RYR3: variants seen among roughly 807,000 people sequenced by gnomAD.
The protein encoded by RYR3 is ryanodine receptor 3.
A neutral mutation model predicts 584.3 loss-of-function variants in RYR3; 207 were observed. The ratio of observed to expected loss-of-function variants is 0.35; its 90% CI spans 0.32 to 0.40. The LOEUF (loss-of-function observed/expected upper bound fraction) is 0.40, where lower values mean the gene tolerates loss of function less well. Ranked by LOEUF, RYR3 falls within the 10% of genes least tolerant of loss-of-function variation. The pLI is 1.00. For synonymous variants in RYR3, 2,416 were observed against 2,248.5 expected (o/e 1.07, Z -2.11); for missense variants, 5,616 against 6,089.2 (o/e 0.92, Z 2.59).
In RYR3 at chr15:33,816,920, G is replaced by T; in HGVS notation, c.10561G>T (p.Glu3521Ter). ...TCAGAGATTTTGGATAGAAACAGAG[G>T]AGTATTCCTTTGAAGAGAAACTAGT... is the stretch of plus-strand genomic sequence containing the variant. ...GYQRFWIETE[E>*]YSFEEKLVQD... The change falls in exon 75 of 104, where the codon GAG (glutamate) becomes TAG (stop). Residue 3521 changes from glutamate (E) to a stop codon, truncating the protein, a stop_gained. Transcript: ENST00000634891. LOFTEE classifies it high-confidence loss of function. 6.2e-7 allele frequency: 1 copy of T among 1,612,062 alleles called. No homozygotes were observed. Among genetic ancestry groups the T allele is most frequent in the South Asian group, 1.1e-5 (1 of 90,452 alleles).
intron 2 of RYR3, among the ~76,000 whole-genome samples, chr15:33,478,694 A>G (rs1025269118): frequency 1.3e-5 from 2 of 152,228 alleles, no homozygotes; most frequent in Non-Finnish European, 2.9e-5. Context: ...GTAATCTTCA[A>G]TGATGACAAT....
chr15:33,500,072 A>G (rs1443601488), intron 2 of RYR3, among the ~76,000 whole-genome samples: 3 of 152,186 alleles, frequency 2.0e-5, no homozygotes, highest in Admixed American at 1.3e-4. Flanking sequence ...GTTCAAGAAG[A>G]CTTGAGTTGG....
chr15:33,657,705 G>T (rs2062902452), intron 32 of RYR3, among the ~76,000 whole-genome samples: 1 of 152,200 alleles, frequency 6.6e-6, no homozygotes. Context: ...GGCAGTACTA[G>T]CAGTCTACTC....
intron 70 of RYR3, among the ~76,000 whole-genome samples, chr15:33,808,718 C>T (rs1042460903): frequency 1.3e-5 from 2 of 152,182 alleles, no homozygotes; most frequent in Admixed American, 1.3e-4. Flanking sequence ...AGCACTCAGC[C>T]AGTGATAGTT....
intron 16 of RYR3, among the ~76,000 whole-genome samples, chr15:33,598,441 A>G (rs547523865): frequency 1.3e-5 from 2 of 151,928 alleles, no homozygotes; most frequent in East Asian, 1.9e-4. Context: ...AAATGCTGCT[A>G]AACTAACAAC....
intron 1 of RYR3, among the ~76,000 whole-genome samples, chr15:33,438,739 G>A (rs1225465027): frequency 6.6e-6 from 1 of 152,040 alleles, no homozygotes; most frequent in African/African-American, 2.4e-5. Context: ...ATTTATTCAG[G>A]TCTTCGTCAA....
At chr15:33,400,051 G>C (rs528166333) in intron 1 of RYR3, among the ~76,000 whole-genome samples, 1 of 151,912 alleles carries the variant, frequency 6.6e-6, no homozygotes, top group Non-Finnish European at 1.5e-5. Flanking sequence ...CTCCTTTCTC[G>C]CAAGGAAAAC....
In RYR3 at chr15:33,771,903, A is replaced by G; in HGVS notation, c.8817-17A>G. Reference sequence around the variant, plus strand: ...GTTCAGATTATGCTTCTAGATTTGAACATTGTTTGCTTGCAGGACTGTCAT... The same window carrying G: ...GTTCAGATTATGCTTCTAGATTTGAGCATTGTTTGCTTGCAGGACTGTCAT... On this transcript the variant is annotated splice_polypyrimidine_tract_variant and intron_variant, in intron 62 of 103. Coordinates refer to ENST00000634891, the MANE Select transcript of RYR3 (RefSeq NM_001036.6). The G allele has an allele frequency of 6.3e-7, 1 of 1,578,418 alleles. No individual in the cohort carries two copies.
At chr15:33,756,522 G>C (rs973055999) in intron 59 of RYR3, 149 bp downstream of exon 59, 5 of 685,818 alleles carry the variant, frequency 7.3e-6, no homozygotes, top group Non-Finnish European at 1.0e-5. Context: ...ACAGTCCCAA[G>C]GGAGGCTGGC....
At chr15:33,847,208 A>G (rs1437123931) in intron 93 of RYR3, 2 of 152,220 alleles carry the variant, frequency 1.3e-5, no homozygotes, top group South Asian at 2.1e-4. Context: ...TGCAGTGGCT[A>G]CTAGCCTTTG....
intron 12 of RYR3, among the ~76,000 whole-genome samples, chr15:33,577,889 C>T (rs1182668570): frequency 6.6e-6 from 1 of 152,024 alleles, no homozygotes; most frequent in Non-Finnish European, 1.5e-5. Flanking sequence ...GTCTAATATC[C>T]AGAATCTACA....
At chr15:33,793,549 A>C (rs986458341) in intron 67 of RYR3, among the ~76,000 whole-genome samples, 1 of 151,968 alleles carries the variant, frequency 6.6e-6, no homozygotes, top group Non-Finnish European at 1.5e-5. Context: ...AATAAAAAAA[A>C]CTCCTATTAC....
intron 55 of RYR3, 74 bp downstream of exon 55, chr15:33,748,604 A>T: frequency 8.0e-7 from 1 of 1,254,168 alleles, no homozygotes. Flanking sequence ...TAAAGGGGGA[A>T]AAAAGGGAAA....
At chr15:33,457,653 T>C (rs2142035852) in intron 1 of RYR3, among the ~76,000 whole-genome samples, 2 of 152,316 alleles carry the variant, frequency 1.3e-5, no homozygotes, top group South Asian at 4.1e-4. Context: ...GTTCTCCTGT[T>C]CTATGGCACA....
intron 57 of RYR3, among the ~76,000 whole-genome samples, chr15:33,754,772 G>C (rs982577102): frequency 2.0e-5 from 3 of 151,954 alleles, no homozygotes; most frequent in Non-Finnish European, 4.4e-5. Flanking sequence ...TGTTTTTTCT[G>C]TTTACAGCTA....
At chr15:33,345,786 AG>A (rs1171763261) in intron 1 of RYR3, among the ~76,000 whole-genome samples, 1 of 152,234 alleles carries the variant, frequency 6.6e-6, no homozygotes, top group Non-Finnish European at 1.5e-5. Context: ...AACTACAAAA[AG>A]AATATGCTCT....
chr15:33,477,301 G>C (rs1169386411), intron 2 of RYR3, among the ~76,000 whole-genome samples: 1 of 152,062 alleles, frequency 6.6e-6, no homozygotes, highest in African/African-American at 2.4e-5. Flanking sequence ...AACTATTCTT[G>C]GTGTGTGACC....
chr15:33,423,444 GA>G (rs2141632032), intron 1 of RYR3, among the ~76,000 whole-genome samples: 1 of 152,222 alleles, frequency 6.6e-6, no homozygotes, highest in African/African-American at 2.4e-5. Flanking sequence ...AGGTTATTGT[GA>G]ATTGGCCTGT....
At position 33,800,819 on chromosome 15, in the gene RYR3, A is replaced by G. The variant is rs753197627; in HGVS notation, c.9880A>G (p.Met3294Val). The G allele has an allele frequency of 1.9e-6, 3 of 1,613,844 alleles. No homozygotes were observed. Among genetic ancestry groups the G allele is most frequent in the Non-Finnish European group, 1.7e-6 (2 of 1,179,710 alleles). Reference sequence around the variant, plus strand: ...TGCTGATTCTGACCAGCTCTTCCGCATGGTGGCAGAAGTCTTCATTCTGTG... The same window carrying G: ...TGCTGATTCTGACCAGCTCTTCCGCGTGGTGGCAGAAGTCTTCATTCTGTG... ...PDADSDQLFR[M>V]VAEVFILWCK... The change falls in exon 68 of 104, where the codon ATG (methionine) becomes GTG (valine). Residue 3294 changes from methionine (M) to valine (V), a missense_variant. Met to Val is a conservative substitution (Grantham distance 21). Transcript: ENST00000634891.
Sources: gnomAD v4.1 joint callset for allele counts (sites outside exome capture counted in the v4.1 genomes callset) on GRCh38, gnomAD v4.1.1 for gene constraint, MANE v1.5 for transcripts, NCBI Gene and HGNC (gene_info 2026-07-23, HGNC 2026-07-21) for gene names.